FAR2: variants seen among roughly 807,000 people sequenced by gnomAD.
FAR2 encodes the protein epididymis secretory protein Li 81.
Under a neutral mutation model 56.0 loss-of-function variants are expected in FAR2, and 19 were observed. The observed-to-expected ratio is 0.34, with a 90% CI of 0.24 to 0.50. FAR2 has a LOEUF of 0.50. Among genes scored for constraint, FAR2 ranks in the 20% least tolerant of loss-of-function variants. The pLI is 0.98. For synonymous variants in FAR2, 219 were observed against 218.8 expected (o/e 1.00, Z -0.01); for missense variants, 508 against 642.2 (o/e 0.79, Z 2.26).
chr12:29,327,781 G>C (rs1414961635), intron 10 of FAR2, among the ~76,000 whole-genome samples: 2 of 152,136 alleles, frequency 1.3e-5, no homozygotes, highest in Non-Finnish European at 2.9e-5. Flanking sequence ...TTACACGTTA[G>C]ACCTAAAACC....
chr12:29,299,631 T>TA (rs1221601654), intron 4 of FAR2, among the ~76,000 whole-genome samples: 1 of 152,172 alleles, frequency 6.6e-6, no homozygotes, highest in Non-Finnish European at 1.5e-5. Context: ...TAAGTTTTTT[T>TA]AAAAAACAGG....
At chr12:29,169,859 C>A (rs1000549047) in intron 1 of FAR2, among the ~76,000 whole-genome samples, 2 of 152,128 alleles carry the variant, frequency 1.3e-5, no homozygotes. Flanking sequence ...CATTCCTAAC[C>A]GTATAAGTAG....
chr12:29,216,387 G>A (rs549835322), intron 1 of FAR2, among the ~76,000 whole-genome samples: 2 of 152,154 alleles, frequency 1.3e-5, no homozygotes, highest in Non-Finnish European at 2.9e-5. Flanking sequence ...GTCCTTTAGG[G>A]CTTTGGTCAC....
chr12:29,155,394 A>G (rs984905769), intron 1 of FAR2, among the ~76,000 whole-genome samples: 2 of 152,234 alleles, frequency 1.3e-5, no homozygotes, highest in African/African-American at 4.8e-5. Flanking sequence ...CTGGAAGCAG[A>G]AATGCAACTT....
At chr12:29,310,316 A>G (rs915375617) in intron 6 of FAR2, among the ~76,000 whole-genome samples, 8 of 152,230 alleles carry the variant, frequency 5.3e-5, no homozygotes, top group Admixed American at 1.3e-4. Context: ...TGAGTAACAT[A>G]AGAAAGTGCT....
intron 2 of FAR2, among the ~76,000 whole-genome samples, chr12:29,274,938 T>C (rs1036859982): frequency 1.0e-4 from 15 of 148,760 alleles, no homozygotes; most frequent in Admixed American, 6.0e-4. Flanking sequence ...GGTGGTCTCC[T>C]CAAATGGACG....
At chr12:29,206,065 G>A (rs12581588) in intron 1 of FAR2, among the ~76,000 whole-genome samples, 12,272 of 152,138 alleles carry the variant, frequency 0.081, 739 homozygotes, top group East Asian at 0.3. Context: ...GTCATTGCTG[G>A]GAAGCATATT....
intron 1 of FAR2, among the ~76,000 whole-genome samples, chr12:29,253,145 ACTT>A (rs1948240726): frequency 6.7e-6 from 1 of 149,292 alleles, no homozygotes; most frequent in Non-Finnish European, 1.5e-5. Context: ...GTGTGAGACG[ACTT>A]CTTAAAGTAA....
Position 29,333,633 on chromosome 12 carries a change from C to A in FAR2, c.1387C>A (p.Leu463Ile). The change falls in exon 12 of 12, where the codon CTC (leucine) becomes ATC (isoleucine). Residue 463 changes from leucine to isoleucine, a missense_variant and splice_region_variant. Physicochemically the swap from Leu to Ile is conservative, Grantham distance 5. Transcript: ENST00000536681. ...TGGTTATGTCTGTCTGTTCCCTAGG[C>A]TCCGAAATATTCACTACCTCTTTAA... ...IPKAKQRLKR[L>I]RNIHYLFNTA... is the part of the protein sequence containing the mutation. The A allele has an allele frequency of 1.2e-6, 2 of 1,612,316 alleles. No individual in the cohort carries two copies. The highest frequency in any genetic ancestry group is 1.7e-6 in the Non-Finnish European group (2 of 1,179,072).
intron 1 of FAR2, among the ~76,000 whole-genome samples, chr12:29,259,863 T>G (rs1437966151): frequency 6.6e-6 from 1 of 152,144 alleles, no homozygotes; most frequent in Non-Finnish European, 1.5e-5. Context: ...TTGGGTGTGT[T>G]AGTATTCTGG....
chr12:29,307,645 C>T lies in FAR2; in HGVS notation c.546-13C>T, dbSNP rs777241030. On this transcript the variant is annotated splice_polypyrimidine_tract_variant and intron_variant, in intron 4 of 11. Transcript: ENST00000536681. Reference sequence around the variant, plus strand: ...ACATATGTTACTAGAATTCTCTTTACTCTACCTTTTAGGTGGTTAGACGAT... The same window carrying T: ...ACATATGTTACTAGAATTCTCTTTATTCTACCTTTTAGGTGGTTAGACGAT... The T allele has an allele frequency of 1.3e-5, 21 of 1,587,314 alleles. No homozygotes were observed. The East Asian group carries it at 2.3e-4, about 17-fold the overall frequency.
At chr12:29,270,179 C>A (rs1415092407) in intron 1 of FAR2, among the ~76,000 whole-genome samples, 2 of 152,188 alleles carry the variant, frequency 1.3e-5, no homozygotes, top group Non-Finnish European at 2.9e-5. Flanking sequence ...AAGCAGGAAT[C>A]ATGTCTTTCT....
intron 1 of FAR2, among the ~76,000 whole-genome samples, chr12:29,174,976 G>C (rs1949923114): frequency 6.6e-6 from 1 of 152,170 alleles, no homozygotes. Flanking sequence ...TGTGGAACCT[G>C]GTTCCAGGCA....
rs189347160 is a variant in FAR2, at chr12:29,246,303, A to G, written c.-38-24109A>G. Among the ~76,000 whole-genome samples the G allele has an allele frequency of 9.2e-3, 1,402 of 151,742 alleles. 19 individuals carry two copies. Among genetic ancestry groups the G allele is most frequent in the African/African-American group, 0.032 (1,329 of 41,384 alleles). On this transcript the variant is annotated intron_variant, in intron 1 of 11. Transcript: ENST00000536681. ...AACACTGGAAAGCAAGAACTCAGAG[A>G]AAAAAAAAGATCAAGTTTTAAAAAC... is the stretch of plus-strand genomic sequence containing the variant.
intron 1 of FAR2, among the ~76,000 whole-genome samples, chr12:29,250,703 C>G (rs987855284): frequency 1.3e-5 from 2 of 152,124 alleles, no homozygotes; most frequent in African/African-American, 4.8e-5. Context: ...AGCTGCCAAG[C>G]CATCAAGCAA....
intron 3 of FAR2, 113 bp from the exon 4 acceptor site, chr12:29,296,908 T>C (rs962505997): frequency 1.6e-5 from 14 of 902,166 alleles, no homozygotes; most frequent in Admixed American, 7.4e-5. Flanking sequence ...CCTGGTGTTT[T>C]GGTGCGGCCA....
intron 1 of FAR2, among the ~76,000 whole-genome samples, chr12:29,184,170 T>TATAAAGGACCTTACATAACTC (rs1950016551): frequency 1.3e-5 from 2 of 152,220 alleles, no homozygotes; most frequent in African/African-American, 4.8e-5. Context: ...TTTTCTCCTC[T>TATAAAGGACCTTACATAACTC]ATAAAGGACC....
intron 1 of FAR2, among the ~76,000 whole-genome samples, chr12:29,170,824 C>A (rs1949878662): frequency 6.6e-6 from 1 of 152,186 alleles, no homozygotes; most frequent in South Asian, 2.1e-4. Flanking sequence ...CCTCTGCTAG[C>A]CGCTTATGCT....
chr12:29,204,533 A>G (rs1225448181), intron 1 of FAR2, among the ~76,000 whole-genome samples: 1 of 152,244 alleles, frequency 6.6e-6, no homozygotes, highest in East Asian at 1.9e-4. Context: ...TGGTCTCCAC[A>G]GAAGGCCTGT....
Sources: gnomAD v4.1 joint callset for allele counts (sites outside exome capture counted in the v4.1 genomes callset) on GRCh38, gnomAD v4.1.1 for gene constraint, MANE v1.5 for transcripts, NCBI Gene and HGNC (gene_info 2026-07-23, HGNC 2026-07-21) for gene names.